The following NEGR1 variants were observed in gnomAD, a reference collection of about 807,000 sequenced individuals.
NEGR1 encodes IgLON family member 4.
NEGR1 carries 10 observed loss-of-function variants against 40.9 expected under a neutral mutation model. That is an observed-to-expected ratio of 0.24 (90% confidence interval 0.15 to 0.42). The LOEUF (loss-of-function observed/expected upper bound fraction) is 0.42. Among genes scored for constraint, NEGR1 ranks in the 10% least tolerant of loss-of-function variants. The pLI is 1.00. For synonymous variants in NEGR1, 185 were observed against 166.8 expected (o/e 1.11, Z -0.84); for missense variants, 352 against 438.9 (o/e 0.80, Z 1.77).
In NEGR1 at chr1:71,426,902, G is replaced by C. The variant is rs144276118; in HGVS notation, c.941-19332C>G. 7.0e-4 allele frequency among the ~76,000 whole-genome samples: 106 copies of C among 152,152 alleles called. 1 individual carries two copies. In the East Asian group the frequency reaches 0.016, roughly 24 times the overall value. On this transcript the variant is annotated intron_variant, in intron 6 of 6. Transcript: ENST00000357731. ...GAGTGTGACAATGTGATTGCAATAA[G>C]AACAGCACCTGCTTTGAAAATCCCA...
intron 4 of NEGR1, among the ~76,000 whole-genome samples, chr1:71,644,444 C>T (rs1651465245): frequency 6.6e-6 from 1 of 151,874 alleles, no homozygotes; most frequent in Non-Finnish European, 1.5e-5. Context: ...ATATCATTTA[C>T]CTTGTCTTCT....
chr1:72,012,709 C>A (rs1404823945), intron 1 of NEGR1, among the ~76,000 whole-genome samples: 7 of 151,800 alleles, frequency 4.6e-5, no homozygotes, highest in Admixed American at 2.6e-4. Flanking sequence ...GACTGTGCGT[C>A]CCCAATCTGC....
At chr1:72,124,063 A>G (rs1239479388) in intron 1 of NEGR1, among the ~76,000 whole-genome samples, 2 of 152,036 alleles carry the variant, frequency 1.3e-5, no homozygotes, top group Non-Finnish European at 2.9e-5. Context: ...TCAAGAATTG[A>G]AAGGGATTGA....
At chr1:71,474,453 C>G (rs574568492) in intron 6 of NEGR1, among the ~76,000 whole-genome samples, 66 of 148,810 alleles carry the variant, frequency 4.4e-4, no homozygotes, top group African/African-American at 1.5e-3. Flanking sequence ...GTGGGTGGAT[C>G]ATTTGAGGTC....
intron 1 of NEGR1, among the ~76,000 whole-genome samples, chr1:71,943,048 G>GTA (rs965335350): frequency 3.1e-5 from 4 of 127,290 alleles, no homozygotes; most frequent in African/African-American, 5.7e-5. Context: ...ATATATATGT[G>GTA]TATATATATG....
intron 1 of NEGR1, among the ~76,000 whole-genome samples, chr1:72,053,735 T>C (rs776289586): frequency 6.6e-6 from 1 of 151,278 alleles, no homozygotes; most frequent in African/African-American, 2.4e-5. Context: ...ATTTAGACAC[T>C]GAACTTGTTT....
intron 2 of NEGR1, among the ~76,000 whole-genome samples, chr1:71,920,401 T>C (rs1456417202): frequency 6.6e-6 from 1 of 152,170 alleles, no homozygotes; most frequent in Non-Finnish European, 1.5e-5. Flanking sequence ...AGCAGTATAC[T>C]ATGGCTATCA....
At chr1:71,472,000 A>G (rs1357974231) in intron 6 of NEGR1, among the ~76,000 whole-genome samples, 2 of 152,004 alleles carry the variant, frequency 1.3e-5, no homozygotes, top group Non-Finnish European at 2.9e-5. Flanking sequence ...CAAACTTCTA[A>G]TCTCTGCAGT....
intron 5 of NEGR1, among the ~76,000 whole-genome samples, chr1:71,602,530 CGTGA>C (rs1649960128): frequency 1.3e-5 from 2 of 152,046 alleles, no homozygotes; most frequent in South Asian, 4.1e-4. Flanking sequence ...GGATTACAGG[CGTGA>C]GCCACCGCGC....
intron 2 of NEGR1, among the ~76,000 whole-genome samples, chr1:71,863,401 A>G (rs2101825483): frequency 6.6e-6 from 1 of 152,242 alleles, no homozygotes; most frequent in Admixed American, 6.5e-5. Context: ...ACTGATGAGA[A>G]CACATGGACA....
intron 1 of NEGR1, among the ~76,000 whole-genome samples, chr1:71,960,039 A>G (rs1003135254): frequency 2.0e-4 from 31 of 152,142 alleles, no homozygotes; most frequent in African/African-American, 7.2e-4. Flanking sequence ...CTTAGCTCTC[A>G]AATTAAAAAC....
chr1:71,759,839 G>C (rs1032789341), intron 3 of NEGR1, among the ~76,000 whole-genome samples: 1 of 151,498 alleles, frequency 6.6e-6, no homozygotes, highest in African/African-American at 2.4e-5. Flanking sequence ...TGAACTCCTG[G>C]CCTCAATGAT....
chr1:72,059,452 C>G (rs999743681), intron 1 of NEGR1, among the ~76,000 whole-genome samples: 1 of 151,548 alleles, frequency 6.6e-6, no homozygotes, highest in African/African-American at 2.4e-5. Flanking sequence ...CTTGCCAGAT[C>G]TAGACACCCT....
chr1:71,481,572 T>C (rs536876341), intron 6 of NEGR1, among the ~76,000 whole-genome samples: 1 of 152,028 alleles, frequency 6.6e-6, no homozygotes, highest in South Asian at 2.1e-4. Context: ...TGGTGTTCTT[T>C]GGAGCATGAT....
At chr1:71,841,076 C>CTATA (rs1018843572) in intron 2 of NEGR1, among the ~76,000 whole-genome samples, 1 of 151,508 alleles carries the variant, frequency 6.6e-6, no homozygotes, top group Non-Finnish European at 1.5e-5. Context: ...TTCTCTCTCT[C>CTATA]TATATATATA....
chr1:71,978,616 C>T lies in NEGR1; in HGVS notation c.177-43305G>A, dbSNP rs542947602. Among the ~76,000 whole-genome samples the T allele has an allele frequency of 2.0e-5, 3 of 152,234 alleles. No homozygotes were observed. The South Asian group carries it at 6.2e-4, about 32-fold the overall frequency. ...AAGCATATGAAAAAAAGTTCAATAT[C>T]ACTGATCGTTAGAGAAATGCAAATC... On this transcript the variant is annotated intron_variant, in intron 1 of 6. Transcript: ENST00000357731.
chr1:71,787,435 A>T (rs34043255), intron 2 of NEGR1, among the ~76,000 whole-genome samples: 3,447 of 152,316 alleles, frequency 0.023, 70 homozygotes, highest in Non-Finnish European at 0.035. Flanking sequence ...CAAAGTATAC[A>T]TACATATTGT....
At chr1:71,629,808 T>G (rs1235472344) in intron 4 of NEGR1, among the ~76,000 whole-genome samples, 1 of 151,962 alleles carries the variant, frequency 6.6e-6, no homozygotes, top group Non-Finnish European at 1.5e-5. Flanking sequence ...CTAGACTTTT[T>G]AAAAACTCAA....
intron 3 of NEGR1, among the ~76,000 whole-genome samples, chr1:71,723,648 C>T (rs544299930): frequency 1.3e-5 from 2 of 152,130 alleles, no homozygotes; most frequent in South Asian, 4.2e-4. Context: ...CTATGTACCC[C>T]ATCTCACTAT....
Sources: gnomAD v4.1 joint callset for allele counts (sites outside exome capture counted in the v4.1 genomes callset) on GRCh38, gnomAD v4.1.1 for gene constraint, MANE v1.5 for transcripts, NCBI Gene and HGNC (gene_info 2026-07-23, HGNC 2026-07-21) for gene names.